The following VPS13B variants were observed in gnomAD, a reference collection of about 807,000 sequenced individuals.
VPS13B encodes vacuolar protein sorting 13 homolog B, also known as intermembrane lipid transfer protein VPS13B.
VPS13B carries 285 observed loss-of-function variants against 426.4 expected under a neutral mutation model. The observed-to-expected ratio is 0.67, with a 90% CI of 0.61 to 0.74. The LOEUF (loss-of-function observed/expected upper bound fraction) is 0.74. Ranked by LOEUF, VPS13B falls within the 30% of genes least tolerant of loss-of-function variation. VPS13B has a pLI of 0.00. For synonymous variants in VPS13B, 1,676 were observed against 1,676.4 expected, an observed-to-expected ratio of 1.00 and a Z score of 0.01; for missense variants, 4,537 against 4,782.6, an observed-to-expected ratio of 0.95 and a Z score of 1.51.
intron 17 of VPS13B, among the ~76,000 whole-genome samples, chr8:99,269,045 G>A (rs1378724747): frequency 1.3e-5 from 2 of 152,072 alleles, no homozygotes; most frequent in East Asian, 1.9e-4. Context: ...GAAGAAGGAC[G>A]TGTTTGCTTC....
intron 13 of VPS13B, among the ~76,000 whole-genome samples, chr8:99,144,850 TA>T (rs1810619640): frequency 6.6e-6 from 1 of 152,154 alleles, no homozygotes; most frequent in African/African-American, 2.4e-5. Flanking sequence ...TGATAAATAC[TA>T]GAGAAGAAAA....
intron 17 of VPS13B, among the ~76,000 whole-genome samples, chr8:99,245,046 C>G (rs1359561170): frequency 6.6e-6 from 1 of 152,160 alleles, no homozygotes; most frequent in African/African-American, 2.4e-5. Context: ...TGTTGGCTCT[C>G]TTGTGCTTTC....
rs537241367 is a variant in VPS13B, at chr8:99,546,473, T to C, written c.4746-9977T>C. ...CGACAAGAGGGGACTGAATTTATAG[T>C]CAGAAGGTGTGGTTTCCCATTTGGA... On this transcript the variant is annotated intron_variant, in intron 30 of 61. Coordinates refer to ENST00000357162, the MANE Select transcript of VPS13B (RefSeq NM_152564.5). Among the ~76,000 whole-genome samples the C allele has an allele frequency of 2.0e-3, 299 of 152,170 alleles. 1 individual carries two copies. Among genetic ancestry groups the C allele is most frequent in the Non-Finnish European group, 3.3e-3 (227 of 67,928 alleles).
At chr8:99,109,392 T>C (rs1360507628) in intron 5 of VPS13B, among the ~76,000 whole-genome samples, 1 of 151,828 alleles carries the variant, frequency 6.6e-6, no homozygotes, top group Admixed American at 6.6e-5. Context: ...TTCTTTCTTT[T>C]TTTTTTTTAA....
chr8:99,121,358 A>G lies in VPS13B; in HGVS notation c.1119A>G (p.Ser373=). The G allele has an allele frequency of 6.2e-7, 1 of 1,614,198 alleles. No individual in the cohort carries two copies. The highest frequency in any genetic ancestry group is 8.5e-7 in the Non-Finnish European group (1 of 1,180,028). The change falls in exon 8 of 62, where the codon TCA becomes TCG. Residue 373 remains serine (S), a synonymous_variant. Transcript: ENST00000357162. The stretch of plus-strand genomic sequence containing the variant: ...ACTTTGTTGGGAACGATCCTGCATC[A>G]ACCATGCATCAACAAAAAGCACAGA... ...EEDFVGNDPA[S]TMHQQKAQTL...
chr8:99,803,417 A>G (rs1178828833), intron 43 of VPS13B, among the ~76,000 whole-genome samples: 2 of 152,310 alleles, frequency 1.3e-5, no homozygotes, highest in South Asian at 2.1e-4. Flanking sequence ...TCACACCCTG[A>G]ATGATTTAGA....
intron 42 of VPS13B, among the ~76,000 whole-genome samples, chr8:99,782,584 A>G (rs1380556437): frequency 6.6e-6 from 1 of 151,816 alleles, no homozygotes; most frequent in Non-Finnish European, 1.5e-5. Context: ...GGAGAAAAAG[A>G]TGTCCAAGCA....
At chr8:99,029,618 A>G (rs1563493257) in intron 2 of VPS13B, among the ~76,000 whole-genome samples, 1 of 152,106 alleles carries the variant, frequency 6.6e-6, no homozygotes, top group African/African-American at 2.4e-5. Flanking sequence ...CCAAAAAAAA[A>G]AACGAAAACC....
At chr8:99,142,159 T>A (rs1810464498) in intron 12 of VPS13B, among the ~76,000 whole-genome samples, 1 of 152,214 alleles carries the variant, frequency 6.6e-6, no homozygotes, top group African/African-American at 2.4e-5. Flanking sequence ...TGGAAATATA[T>A]TTTTGTATAA....
At chr8:99,609,658 G>C (rs1827757625) in intron 33 of VPS13B, among the ~76,000 whole-genome samples, 1 of 152,158 alleles carries the variant, frequency 6.6e-6, no homozygotes, top group Non-Finnish European at 1.5e-5. Context: ...AATGTCTTAT[G>C]TGTACTTCCT....
In VPS13B at chr8:99,823,989, C is replaced by T; in HGVS notation, c.9330+11C>T. On this transcript the variant is annotated intron_variant, in intron 51 of 61. Coordinates refer to ENST00000357162, the MANE Select transcript of VPS13B (RefSeq NM_152564.5). ...CATTCTGGAAAGGAGGTAAGCAAAT[C>T]ATAACGATTCTTTTGTCTAAGTTTT... 6.2e-7 allele frequency: 1 copy of T among 1,610,584 alleles called. No homozygotes were observed. The highest frequency in any genetic ancestry group is 8.5e-7 in the Non-Finnish European group (1 of 1,179,496).
intron 43 of VPS13B, among the ~76,000 whole-genome samples, chr8:99,798,639 C>A (rs548642048): frequency 6.6e-6 from 1 of 152,154 alleles, no homozygotes; most frequent in Non-Finnish European, 1.5e-5. Context: ...AAGTGCAAAG[C>A]GCCCAGAGGA....
Position 99,173,767 on chromosome 8 carries a change from C to G in VPS13B, c.2333+3604C>G, listed in dbSNP as rs79085629. Reference sequence around the variant, plus strand: ...AAGAAACATTAACATCTGTTACAATCTTCTCATTTCAAAGATGGGAAAACT... The same window carrying G: ...AAGAAACATTAACATCTGTTACAATGTTCTCATTTCAAAGATGGGAAAACT... On this transcript the variant is annotated intron_variant, in intron 16 of 61. Transcript: ENST00000357162. Among the ~76,000 whole-genome samples the G allele has an allele frequency of 7.2e-5, 11 of 152,272 alleles. 1 individual carries two copies. Among genetic ancestry groups the G allele is most frequent in the African/African-American group, 2.4e-4 (10 of 41,568 alleles).
At position 99,823,243 on chromosome 8, in the gene VPS13B, G is replaced by T. The variant is rs555077287; in HGVS notation, c.9184-589G>T. On this transcript the variant is annotated intron_variant, in intron 50 of 61. Transcript: ENST00000357162. ...GCCTCACTTTCCTCTTCTGTAAAAT[G>T]GGGTTAATAATAGTAACTCCCCCAC... Among the ~76,000 whole-genome samples the T allele has an allele frequency of 3.3e-5, 5 of 152,276 alleles. No homozygotes were observed. In the East Asian group the frequency reaches 9.7e-4, roughly 29 times the overall value.
intron 55 of VPS13B, among the ~76,000 whole-genome samples, 171 bp from the exon 56 acceptor site, chr8:99,853,280 G>T (rs1394402733): frequency 6.6e-6 from 1 of 152,136 alleles, no homozygotes; most frequent in Admixed American, 6.5e-5. Context: ...GTTGGAGTGT[G>T]ACTGACTCCG....
intron 24 of VPS13B, among the ~76,000 whole-genome samples, chr8:99,469,756 G>A (rs75042899): frequency 1.3e-5 from 2 of 152,072 alleles, no homozygotes; most frequent in African/African-American, 4.8e-5. Flanking sequence ...TTGGTTATAG[G>A]TTTGTAACAG....
At chr8:99,026,736 G>A (rs1842156964) in intron 2 of VPS13B, among the ~76,000 whole-genome samples, 1 of 152,074 alleles carries the variant, frequency 6.6e-6, no homozygotes, top group Non-Finnish European at 1.5e-5. Flanking sequence ...GACTTAAAGT[G>A]TATTTTTTCT....
chr8:99,530,091 T>C (rs1244478205), intron 30 of VPS13B, among the ~76,000 whole-genome samples: 1 of 152,220 alleles, frequency 6.6e-6, no homozygotes, highest in African/African-American at 2.4e-5. Context: ...GAACTTTACA[T>C]TGATGGGGGT....
intron 30 of VPS13B, among the ~76,000 whole-genome samples, chr8:99,531,140 A>G (rs1822913465): frequency 6.6e-6 from 1 of 152,194 alleles, no homozygotes; most frequent in African/African-American, 2.4e-5. Flanking sequence ...ATAACCTTCA[A>G]ACCACAATTT....
Sources: allele counts gnomAD v4.1 joint callset (sites outside exome capture counted in the v4.1 genomes callset), GRCh38; gene constraint gnomAD v4.1.1; transcripts MANE v1.5; gene names NCBI Gene and HGNC (gene_info 2026-07-23, HGNC 2026-07-21).